The following ZDHHC13 variants were observed in gnomAD, a reference collection of about 807,000 sequenced individuals.
The protein encoded by ZDHHC13 is palmitoyltransferase ZDHHC13.
ZDHHC13 carries 85 observed loss-of-function variants against 86.0 expected under a neutral mutation model. The ratio of observed to expected loss-of-function variants is 0.99; its 90% CI spans 0.83 to 1.18. The LOEUF is 1.18. Ranked by LOEUF, ZDHHC13 falls within the 50% of genes most tolerant of loss-of-function variation. The pLI, the probability that ZDHHC13 is intolerant of heterozygous loss-of-function variation, is 0.00. For synonymous variants in ZDHHC13, 263 were observed against 246.4 expected (o/e 1.07, Z -0.63); for missense variants, 711 against 730.2 (o/e 0.97, Z 0.30).
chr11:19,153,984 A>G (rs1849687870), intron 8 of ZDHHC13, among the ~76,000 whole-genome samples: 1 of 152,192 alleles, frequency 6.6e-6, no homozygotes, highest in Non-Finnish European at 1.5e-5. Context: ...TTGGTTCAGC[A>G]GATGAATCTT....
intron 14 of ZDHHC13, chr11:19,170,041 CTG>C (rs1850176523): frequency 9.6e-7 from 1 of 1,038,264 alleles, no homozygotes; most frequent in Non-Finnish European, 1.2e-6. Context: ...ATATTCAGTC[CTG>C]TAATAGACCC....
intron 7 of ZDHHC13, 108 bp downstream of exon 7, chr11:19,152,428 A>G: frequency 6.9e-7 from 1 of 1,447,648 alleles, no homozygotes; most frequent in Non-Finnish European, 9.2e-7. Context: ...CCCAAGATAG[A>G]TATAAATGAT....
intron 16 of ZDHHC13, among the ~76,000 whole-genome samples, chr11:19,173,181 C>T (rs1850271287): frequency 6.6e-6 from 1 of 152,152 alleles, no homozygotes; most frequent in Non-Finnish European, 1.5e-5. Context: ...CCACAGGGTG[C>T]TCTGTAGAGA....
chr11:19,118,648 T>C (rs1848697444), intron 1 of ZDHHC13: 1 of 152,242 alleles, frequency 6.6e-6, no homozygotes, highest in African/African-American at 2.4e-5. Flanking sequence ...GAGAATGATT[T>C]GGTGGTTGAA....
chr11:19,123,863 C>T (rs1848809903), intron 1 of ZDHHC13, among the ~76,000 whole-genome samples: 1 of 152,038 alleles, frequency 6.6e-6, no homozygotes, highest in Non-Finnish European at 1.5e-5. Context: ...CATTTTTAGC[C>T]ATCAAAGTGT....
At chr11:19,141,947 G>A (rs1161009487) in intron 1 of ZDHHC13, among the ~76,000 whole-genome samples, 20 of 152,106 alleles carry the variant, frequency 1.3e-4, no homozygotes, top group Admixed American at 1.3e-3. Context: ...ACCCATTACT[G>A]TATAACAAAT....
In ZDHHC13 at chr11:19,158,910, A is replaced by C. The variant is rs1002458670; in HGVS notation, c.1008-30A>C. On this transcript the variant is annotated intron_variant, in intron 9 of 16. Coordinates refer to ENST00000446113, the MANE Select transcript of ZDHHC13 (RefSeq NM_019028.3). Reference sequence around the variant, plus strand: ...AACTAAAATTAATACAAGTCATACTAATAACTTATATTTATCTTTTTTCTT... The same window carrying C: ...AACTAAAATTAATACAAGTCATACTCATAACTTATATTTATCTTTTTTCTT... 3 of 1,376,790 alleles carry C rather than the reference A, an allele frequency of 2.2e-6. No homozygotes were observed. The African/African-American group carries it at 4.4e-5, about 20-fold the overall frequency. 85.3% of individuals were successfully genotyped at this position (1,376,790 alleles called of 1,614,324 possible).
intron 5 of ZDHHC13, among the ~76,000 whole-genome samples, chr11:19,150,456 A>G (rs905258470): frequency 2.6e-5 from 4 of 152,056 alleles, no homozygotes; most frequent in East Asian, 1.9e-4. Context: ...GATGGTAGCT[A>G]TCAACATTTT....
chr11:19,166,201 C>CT (rs1850060458), intron 13 of ZDHHC13, 101 bp from the exon 14 acceptor site: 1 of 900,656 alleles, frequency 1.1e-6, no homozygotes, highest in Non-Finnish European at 1.7e-6. Flanking sequence ...TTCTGTTTTA[C>CT]TTTGGTGAAG....
intron 9 of ZDHHC13, among the ~76,000 whole-genome samples, chr11:19,158,503 TATC>T (rs1410086043): frequency 5.3e-5 from 8 of 152,188 alleles, no homozygotes; most frequent in Admixed American, 2.6e-4. Flanking sequence ...GCTTAACAAA[TATC>T]ATTTTAGTCT....
rs1849970673 is a variant in ZDHHC13 at position 19,163,502 on chromosome 11, G to C, written c.1233+75G>C. 3.7e-6 allele frequency: 5 copies of C among 1,367,664 alleles called. No homozygotes were observed. In the South Asian group the frequency reaches 9.8e-5, roughly 27 times the overall value. The allele number at this position is 1,367,664 out of a possible 1,614,324, so 84.7% of individuals were successfully genotyped here. A position where few individuals can be genotyped will look rare whatever the true frequency, so the allele number is the denominator to read the frequency against. The stretch of plus-strand genomic sequence containing the variant: ...TAGAAAGTTTATATGCACATATGCA[G>C]ATGTGTTGCTTTTTGTTACGGCTGC... On this transcript the variant is annotated intron_variant, in intron 11 of 16. Coordinates refer to ENST00000446113, the MANE Select transcript of ZDHHC13 (RefSeq NM_019028.3).
In ZDHHC13 at chr11:19,165,090, C is replaced by T. The variant is rs991663704; in HGVS notation, c.1335C>T (p.Cys445=). The T allele has an allele frequency of 6.2e-7, 1 of 1,613,048 alleles. No individual in the cohort carries two copies. Among genetic ancestry groups the T allele is most frequent in the Non-Finnish European group, 8.5e-7 (1 of 1,179,464 alleles). ...KPLRSLHCHV[C]NCCVARYDQH... ...TAAGGTCACTCCACTGCCATGTATG[C>T]AACTGCTGTGTGGCTCGATATGATC... Residue 445 remains cysteine (C), a synonymous_variant, in exon 13 of 17, where the codon TGC becomes TGT. Coordinates refer to ENST00000446113, the MANE Select transcript of ZDHHC13 (RefSeq NM_019028.3).
rs1850191776 is a variant in ZDHHC13, at chr11:19,170,465, T to G, written c.1529T>G (p.Leu510Arg). 1 of 1,453,290 alleles carries G rather than the reference T, an allele frequency of 6.9e-7. No homozygotes were observed. The highest frequency in any genetic ancestry group is 9.2e-7 in the Non-Finnish European group (1 of 1,088,204). The allele number at this position is 1,453,290 out of a possible 1,614,324, so 90.0% of individuals were successfully genotyped here. Residue 510 changes from leucine (L) to arginine (R), a missense_variant, in exon 15 of 17, where the codon CTC becomes CGC. Coordinates refer to ENST00000446113, the MANE Select transcript of ZDHHC13 (RefSeq NM_019028.3). Reference protein sequence around the residue: ...TFKEDGLWTYLNQIVACSPWV... With the variant: ...TFKEDGLWTYRNQIVACSPWV... ...AAAGAAGATGGATTATGGACTTACC[T>G]CAATCAGATTGTGGCCTGTTCCCCT...
At chr11:19,143,761 A>G (rs1849385834) in intron 2 of ZDHHC13, among the ~76,000 whole-genome samples, 1 of 152,216 alleles carries the variant, frequency 6.6e-6, no homozygotes, top group Admixed American at 6.5e-5. Context: ...CATTAAGTCA[A>G]TTATTTCCAA....
intron 8 of ZDHHC13, among the ~76,000 whole-genome samples, chr11:19,152,929 T>G (rs1278749319): frequency 6.6e-6 from 1 of 152,210 alleles, no homozygotes; most frequent in Non-Finnish European, 1.5e-5. Flanking sequence ...CATTGTGTAC[T>G]TCCACATTTA....
At chr11:19,121,529 C>T (rs567171924) in intron 1 of ZDHHC13, among the ~76,000 whole-genome samples, 59 of 152,280 alleles carry the variant, frequency 3.9e-4, no homozygotes, top group Admixed American at 9.8e-4. Flanking sequence ...CATCTTTTAT[C>T]CCTGATTACC....
intron 1 of ZDHHC13, among the ~76,000 whole-genome samples, chr11:19,138,035 A>G (rs1156834773): frequency 6.6e-6 from 1 of 151,642 alleles, no homozygotes; most frequent in African/African-American, 2.4e-5. Flanking sequence ...TTCAAAAGCT[A>G]GCAGAAGGCA....
intron 1 of ZDHHC13, among the ~76,000 whole-genome samples, chr11:19,128,140 G>T (rs1455952709): frequency 6.6e-6 from 1 of 152,046 alleles, no homozygotes; most frequent in East Asian, 1.9e-4. Context: ...GCAGTATTTT[G>T]TAATTCTCAT....
chr11:19,174,768 G>C (rs1590097864), intron 16 of ZDHHC13, among the ~76,000 whole-genome samples: 1 of 152,216 alleles, frequency 6.6e-6, no homozygotes, highest in Non-Finnish European at 1.5e-5. Flanking sequence ...AAAGGATAAG[G>C]GGGTTCCTGA....
Sources: gnomAD v4.1 joint callset for allele counts (sites outside exome capture counted in the v4.1 genomes callset) on GRCh38, gnomAD v4.1.1 for gene constraint, MANE v1.5 for transcripts, NCBI Gene and HGNC (gene_info 2026-07-23, HGNC 2026-07-21) for gene names.